SCRG1: variants seen among roughly 807,000 people sequenced by gnomAD.
SCRG1 encodes the protein scrapie-responsive protein 1.
SCRG1 carries 3 observed loss-of-function variants against 7.7 expected under a neutral mutation model. That is an observed-to-expected ratio of 0.39 (90% CI 0.18 to 1.01). The LOEUF (loss-of-function observed/expected upper bound fraction) is 1.01. Among genes scored for constraint, SCRG1 ranks in the 50% least tolerant of loss-of-function variants. The pLI, the probability that SCRG1 is intolerant of heterozygous loss-of-function variation, is 0.36. For missense variants in SCRG1, 110 were observed against 117.2 expected (o/e 0.94, Z 0.28); for synonymous variants, 46 against 41.2 (o/e 1.12, Z -0.44).
the SCRG1 span, among the ~76,000 whole-genome samples, chr4:173,444,499 G>A: frequency 0.97 from 147,584 of 152,340 alleles, 71,711 homozygotes; most frequent in Non-Finnish European, 1. Context: ...TAAATGAATG[G>A]GTATGGCTGT....
the SCRG1 span, among the ~76,000 whole-genome samples, chr4:173,495,059 A>G: frequency 6.6e-6 from 1 of 152,366 alleles, no homozygotes; most frequent in Non-Finnish European, 1.5e-5. Flanking sequence ...GTTTATTCAC[A>G]TGAAAAATAG....
chr4:173,408,001 C>T (rs963759327), upstream of SCRG1, among the ~76,000 whole-genome samples: 6 of 152,122 alleles, frequency 3.9e-5, no homozygotes, highest in African/African-American at 1.4e-4. Context: ...CATTTTCAAA[C>T]TGAAATAATA....
rs1372487284 is a variant in SCRG1 at position 173,385,918 on chromosome 4, T to G, written c.*2423A>C. On this transcript the variant is annotated 3_prime_UTR_variant, in exon 3 of 3. Coordinates refer to ENST00000296506, the MANE Select transcript of SCRG1 (RefSeq NM_007281.4). Reference sequence around the variant, plus strand: ...TTTTAAATTTACCTATTCTATGCATTGTTCCAGAATGGATATGAAACTTTC... The same window carrying G: ...TTTTAAATTTACCTATTCTATGCATGGTTCCAGAATGGATATGAAACTTTC... The G allele has an allele frequency of 4.6e-5, 7 of 152,224 alleles. No individual in the cohort carries two copies. Among genetic ancestry groups the G allele is most frequent in the Non-Finnish European group, 1.5e-5 (1 of 68,032 alleles). 9.4% of individuals were successfully genotyped at this position (152,224 alleles called of 1,614,324 possible). A position where few individuals can be genotyped will look rare whatever the true frequency, so the allele number is the denominator to read the frequency against.
chr4:173,472,593 CAAG>C, the SCRG1 span, among the ~76,000 whole-genome samples: 2 of 152,112 alleles, frequency 1.3e-5, no homozygotes. Context: ...ACCCAAGGCT[CAAG>C]AAGAGCTGAT....
At chr4:173,462,848 CTTGT>C in the SCRG1 span, among the ~76,000 whole-genome samples, 5 of 152,198 alleles carry the variant, frequency 3.3e-5, no homozygotes, top group East Asian at 7.7e-4. Context: ...TTTCTTTTTG[CTTGT>C]TTGTTTATGC....
chr4:173,447,267 TC>T, the SCRG1 span, among the ~76,000 whole-genome samples: 1 of 152,178 alleles, frequency 6.6e-6, no homozygotes, highest in African/African-American at 2.4e-5. Context: ...TCTGGTCTCT[TC>T]CCATAATGCC....
At chr4:173,449,435 CTTTTTTTTTT>C in the SCRG1 span, among the ~76,000 whole-genome samples, 3 of 115,932 alleles carry the variant, frequency 2.6e-5, no homozygotes, top group South Asian at 2.9e-4. Context: ...CATGATAAAT[CTTTTTTTTTT>C]TTTTTTTTTT....
chr4:173,463,628 G>T, the SCRG1 span, among the ~76,000 whole-genome samples: 2 of 152,166 alleles, frequency 1.3e-5, no homozygotes, highest in Non-Finnish European at 2.9e-5. Context: ...GCAGTAGACA[G>T]GAATTCTTAT....
upstream of SCRG1, among the ~76,000 whole-genome samples, chr4:173,407,826 T>C (rs1022583512): frequency 6.6e-6 from 1 of 152,230 alleles, no homozygotes; most frequent in African/African-American, 2.4e-5. Context: ...GTATTTCATT[T>C]AACATTCTTT....
the SCRG1 span, among the ~76,000 whole-genome samples, chr4:173,461,822 C>G: frequency 1.3e-5 from 2 of 151,466 alleles, no homozygotes; most frequent in African/African-American, 4.9e-5. Context: ...CAAGATAACA[C>G]CAAAGGAATT....
chr4:173,455,899 T>A, the SCRG1 span, among the ~76,000 whole-genome samples: 3 of 152,228 alleles, frequency 2.0e-5, no homozygotes, highest in African/African-American at 7.2e-5. Context: ...TGGGAGGCCA[T>A]GCTAGTTGCC....
At chr4:173,389,977 G>A in intron 2 of SCRG1, 1 of 253,998 alleles carries the variant, frequency 3.9e-6, no homozygotes. Context: ...TAACCAGGGG[G>A]AAATGATTTT....
intron 1 of SCRG1, among the ~76,000 whole-genome samples, chr4:173,398,705 C>T (rs1739670856): frequency 6.6e-6 from 1 of 152,172 alleles, no homozygotes; most frequent in Admixed American, 6.6e-5. Flanking sequence ...TAAAACAATC[C>T]TATATACTTT....
intron 1 of SCRG1, among the ~76,000 whole-genome samples, chr4:173,393,986 T>C (rs550781454): frequency 2.0e-5 from 3 of 152,136 alleles, no homozygotes; most frequent in Non-Finnish European, 4.4e-5. Flanking sequence ...ATTTCTTTAC[T>C]TTCAGCTTGT....
the SCRG1 span, among the ~76,000 whole-genome samples, chr4:173,515,503 C>T: frequency 6.6e-6 from 1 of 152,004 alleles, no homozygotes; most frequent in Non-Finnish European, 1.5e-5. This position sits in a 1 kb window ranked among gnomAD's most constrained non-coding sequence, Gnocchi z 4.6. Context: ...GTTTTATAGA[C>T]AGTCTTTTCC....
chr4:173,424,687 T>A, the SCRG1 span, among the ~76,000 whole-genome samples: 1 of 152,144 alleles, frequency 6.6e-6, no homozygotes, highest in African/African-American at 2.4e-5. Context: ...GGTTGGTGGA[T>A]CTCCTGAGGT....
chr4:173,515,719 C>T, the SCRG1 span, among the ~76,000 whole-genome samples: 3 of 152,182 alleles, frequency 2.0e-5, no homozygotes, highest in East Asian at 3.9e-4. This position sits in a 1 kb window ranked among gnomAD's most constrained non-coding sequence, Gnocchi z 4.6. Flanking sequence ...CTTCAGGTGG[C>T]CCTCTGTGCC....
the SCRG1 span, among the ~76,000 whole-genome samples, chr4:173,423,679 T>A: frequency 2.6e-5 from 4 of 152,132 alleles, no homozygotes; most frequent in African/African-American, 7.2e-5. Context: ...ATTTTTTTTT[T>A]ATTTTTTCCT....
chr4:173,508,910 C>T, the SCRG1 span, among the ~76,000 whole-genome samples: 2 of 152,182 alleles, frequency 1.3e-5, no homozygotes, highest in Non-Finnish European at 2.9e-5. This position sits in a 1 kb window ranked among gnomAD's most constrained non-coding sequence, Gnocchi z 4.4. Context: ...GAAAGCTTGT[C>T]CCTGCACTCT....
Sources: allele counts gnomAD v4.1 joint callset (sites outside exome capture counted in the v4.1 genomes callset), GRCh38; gene constraint gnomAD v4.1.1; non-coding constraint Gnocchi (gnomAD v3.1); transcripts MANE v1.5; gene names NCBI Gene and HGNC (gene_info 2026-07-23, HGNC 2026-07-21).